ARMC2: variants seen among roughly 807,000 people sequenced by gnomAD.
The protein encoded by ARMC2 is armadillo repeat-containing protein 2.
In ARMC2, 67 loss-of-function variants were observed where a neutral mutation model predicts 90.3. The observed-to-expected ratio is 0.74, with a 90% CI of 0.61 to 0.91. The LOEUF (loss-of-function observed/expected upper bound fraction) is 0.91. ARMC2 is among the 40% of genes least tolerant of loss of function. ARMC2 has a pLI of 0.00. For synonymous variants in ARMC2, 393 were observed against 393.0 expected (o/e 1.00, Z 0.00); for missense variants, 920 against 1,030.9 (o/e 0.89, Z 1.47).
chr6:108,956,750 G>A (rs1032578568), intron 13 of ARMC2, among the ~76,000 whole-genome samples: 2 of 152,120 alleles, frequency 1.3e-5, no homozygotes, highest in South Asian at 2.1e-4. Flanking sequence ...CCAGCACTTT[G>A]GGAGGCTGAG....
intron 6 of ARMC2, among the ~76,000 whole-genome samples, chr6:108,899,041 C>A (rs1362375570): frequency 1.3e-5 from 2 of 152,166 alleles, no homozygotes; most frequent in Non-Finnish European, 2.9e-5. Flanking sequence ...TATACCATGT[C>A]TTTTAATTCT....
the ARMC2 span, chr6:108,992,928 T>C: frequency 7.1e-7 from 1 of 1,412,664 alleles, no homozygotes; most frequent in Non-Finnish European, 1.0e-6. Flanking sequence ...GAAAGGTTTT[T>C]AAAAATAGGA....
intron 7 of ARMC2, among the ~76,000 whole-genome samples, chr6:108,903,612 A>G (rs1772376089): frequency 6.6e-6 from 1 of 152,226 alleles, no homozygotes; most frequent in African/African-American, 2.4e-5. Context: ...ACCATGTGCT[A>G]TTGATAGAAA....
At chr6:109,001,603 GAA>G in the ARMC2 span, 8 of 901,438 alleles carry the variant, frequency 8.9e-6, no homozygotes, top group African/African-American at 1.2e-4. Context: ...TCTGGCTTAA[GAA>G]AGAGGGGTTA....
the ARMC2 span, among the ~76,000 whole-genome samples, chr6:108,999,488 C>G: frequency 1.4e-4 from 21 of 152,144 alleles, no homozygotes; most frequent in Non-Finnish European, 1.5e-5. Context: ...CATCAATCTA[C>G]TTTTACTCTA....
chr6:108,998,596 C>T, the ARMC2 span: 2 of 1,613,920 alleles, frequency 1.2e-6, no homozygotes, highest in South Asian at 2.2e-5. Context: ...TAGTTGCTAA[C>T]AGAAGGAGGT....
chr6:109,003,060 G>A, the ARMC2 span, among the ~76,000 whole-genome samples: 1 of 152,028 alleles, frequency 6.6e-6, no homozygotes, highest in South Asian at 2.1e-4. Context: ...TTATGTGATG[G>A]TGTAGTATGG....
chr6:108,864,451 G>A (rs1458328161), intron 3 of ARMC2, among the ~76,000 whole-genome samples: 1 of 152,100 alleles, frequency 6.6e-6, no homozygotes, highest in Admixed American at 6.5e-5. Context: ...GTTTCACCAT[G>A]TTGGCCAGAA....
chr6:108,903,471 C>G (rs561726262), intron 7 of ARMC2, among the ~76,000 whole-genome samples: 2 of 151,922 alleles, frequency 1.3e-5, no homozygotes, highest in Non-Finnish European at 2.9e-5. Context: ...TATTAGAACC[C>G]TCTTTTCTTA....
chr6:108,912,954 T>C (rs1328799172), intron 10 of ARMC2, among the ~76,000 whole-genome samples: 4 of 152,144 alleles, frequency 2.6e-5, no homozygotes, highest in African/African-American at 4.8e-5. Context: ...ATTACTCTTG[T>C]AAGAAACAGA....
At chr6:108,983,363 G>T in the ARMC2 span, among the ~76,000 whole-genome samples, 1 of 152,060 alleles carries the variant, frequency 6.6e-6, no homozygotes, top group African/African-American at 2.4e-5. Context: ...ATCCAATGTT[G>T]TGAAACTTTC....
At chr6:108,861,152 A>G (rs1003781493) in intron 3 of ARMC2, among the ~76,000 whole-genome samples, 3 of 151,818 alleles carry the variant, frequency 2.0e-5, no homozygotes, top group Non-Finnish European at 2.9e-5. Flanking sequence ...TACTTTAGCC[A>G]CTCCTTCCCT....
intron 5 of ARMC2, among the ~76,000 whole-genome samples, chr6:108,892,457 TTAAAAAAAAA>T (rs1771164355): frequency 6.6e-6 from 1 of 151,762 alleles, no homozygotes; most frequent in Non-Finnish European, 1.5e-5. Context: ...TGTTAAGTGT[TTAAAAAAAAA>T]ATGGGGTGGC....
intron 5 of ARMC2, among the ~76,000 whole-genome samples, chr6:108,892,898 A>G (rs1583032830): frequency 6.6e-6 from 1 of 152,344 alleles, no homozygotes; most frequent in East Asian, 1.9e-4. Flanking sequence ...CTCACTACAC[A>G]GGAAGGAGAA....
At chr6:108,999,618 C>G in the ARMC2 span, among the ~76,000 whole-genome samples, 1 of 152,142 alleles carries the variant, frequency 6.6e-6, no homozygotes, top group East Asian at 1.9e-4. Context: ...ATCCAAAACA[C>G]TGACACCAAT....
At chr6:108,900,667 C>G (rs537829045) in intron 7 of ARMC2, among the ~76,000 whole-genome samples, 14 of 152,318 alleles carry the variant, frequency 9.2e-5, no homozygotes, top group African/African-American at 3.4e-4. Flanking sequence ...CACCCCTCCT[C>G]TGCTCCCCAT....
intron 8 of ARMC2, among the ~76,000 whole-genome samples, chr6:108,909,455 A>T (rs995087005): frequency 6.6e-5 from 10 of 150,800 alleles, no homozygotes; most frequent in East Asian, 3.9e-4. Context: ...TTGCTTTTTA[A>T]AAAAAAAAAC....
chr6:108,892,887 G>C (rs949986990), intron 5 of ARMC2, among the ~76,000 whole-genome samples: 1 of 152,182 alleles, frequency 6.6e-6, no homozygotes, highest in African/African-American at 2.4e-5. Context: ...TCACTGGGGG[G>C]CTCACTACAC....
At chr6:108,907,635 G>A (rs1460573148) in intron 8 of ARMC2, 1 of 1,590,688 alleles carries the variant, frequency 6.3e-7, no homozygotes, top group Admixed American at 1.7e-5. Flanking sequence ...AGCCACTCGT[G>A]CTTGAGATGC....
Sources: allele counts gnomAD v4.1 joint callset (sites outside exome capture counted in the v4.1 genomes callset), GRCh38; gene constraint gnomAD v4.1.1; transcripts MANE v1.5; gene names NCBI Gene and HGNC (gene_info 2026-07-23, HGNC 2026-07-21).